GFRA3: variants seen among roughly 807,000 people sequenced by gnomAD.
GFRA3 encodes GDNF family receptor alpha-3.
A neutral mutation model predicts 40.0 loss-of-function variants in GFRA3; 24 were observed. The ratio of observed to expected loss-of-function variants is 0.60; its 90% CI spans 0.43 to 0.84. GFRA3 has a LOEUF of 0.84. Among genes scored for constraint, GFRA3 ranks in the 40% least tolerant of loss-of-function variants. The pLI, the probability that GFRA3 is intolerant of heterozygous loss-of-function variation, is 0.00. For synonymous variants in GFRA3, 203 were observed against 213.5 expected, an observed-to-expected ratio of 0.95 and a Z score of 0.43; for missense variants, 405 against 530.6, an observed-to-expected ratio of 0.76 and a Z score of 2.33.
At chr5:138,261,537 T>G (rs1481377814) in intron 2 of GFRA3, among the ~76,000 whole-genome samples, 1 of 151,052 alleles carries the variant, frequency 6.6e-6, no homozygotes, top group East Asian at 1.9e-4. Context: ...CTACTAAAAA[T>G]ACAAAAATTA....
chr5:138,270,422 G>A (rs943266414), intron 1 of GFRA3, among the ~76,000 whole-genome samples: 2 of 151,526 alleles, frequency 1.3e-5, no homozygotes, highest in Non-Finnish European at 2.9e-5. Flanking sequence ...CAACCTAGAT[G>A]AGATTGGAGA....
intron 2 of GFRA3, among the ~76,000 whole-genome samples, chr5:138,262,097 A>G (rs1755719425): frequency 1.3e-5 from 2 of 152,362 alleles, no homozygotes; most frequent in South Asian, 4.1e-4. Flanking sequence ...GAGTTGTACT[A>G]CAAAGAGCTA....
chr5:138,253,927 G>T (rs1339974406), intron 5 of GFRA3, 27 bp from the exon 6 acceptor site: 6 of 1,610,032 alleles, frequency 3.7e-6, no homozygotes, highest in Non-Finnish European at 5.1e-6. Flanking sequence ...GGTAGTCAAG[G>T]CCTAGGCTAA....
chr5:138,271,903 T>TGTG lies in GFRA3; in HGVS notation c.91+2430_91+2431insCAC, dbSNP rs1452490281. ...GTATTTTCTTTTCTGTTTTTTTTTT[T>TGTG]TTTTTTTTTTTGTGTGTGTGTGTGT... is the stretch of plus-strand genomic sequence containing the variant. On this transcript the variant is annotated intron_variant, in intron 1 of 7. Transcript: ENST00000274721. Among the ~76,000 whole-genome samples the TGTG allele has an allele frequency of 5.2e-3, 493 of 94,944 alleles. 3 individuals are homozygous for TGTG. The highest frequency in any genetic ancestry group is 0.013 in the African/African-American group (347 of 27,350). 62.3% of individuals were successfully genotyped at this position (94,944 alleles called of 152,430 possible).
At chr5:138,254,724 T>C (rs1755601540) in intron 4 of GFRA3, among the ~76,000 whole-genome samples, 1 of 152,170 alleles carries the variant, frequency 6.6e-6, no homozygotes, top group South Asian at 2.1e-4. Context: ...AGATAGCTTC[T>C]TTAACCTCAG....
At chr5:138,273,019 C>G (rs2126623109) in intron 1 of GFRA3, among the ~76,000 whole-genome samples, 1 of 152,262 alleles carries the variant, frequency 6.6e-6, no homozygotes, top group East Asian at 1.9e-4. Flanking sequence ...GTTGGATGAA[C>G]AAAGAAAAGT....
At chr5:138,266,442 T>G (rs1755783738) in intron 1 of GFRA3, among the ~76,000 whole-genome samples, 2 of 152,256 alleles carry the variant, frequency 1.3e-5, no homozygotes, top group Non-Finnish European at 2.9e-5. Flanking sequence ...GAGCATATTT[T>G]TATGTGCTTG....
intron 2 of GFRA3, among the ~76,000 whole-genome samples, chr5:138,261,886 TG>T (rs762357486): frequency 3.3e-5 from 5 of 152,058 alleles, no homozygotes; most frequent in Non-Finnish European, 7.4e-5. Flanking sequence ...TCGATTAAGA[TG>T]GTACCCAATA....
intron 4 of GFRA3, 26 bp from the exon 5 acceptor site, chr5:138,254,186 T>TA: frequency 5.6e-5 from 73 of 1,310,744 alleles, no homozygotes; most frequent in Non-Finnish European, 7.6e-5. Flanking sequence ...TTTCTGTCTT[T>TA]CTTTTTTTTT....
Position 138,268,005 on chromosome 5 carries a change from C to T in GFRA3, c.92-3457G>A, listed in dbSNP as rs117576343. 2.1e-3 allele frequency among the ~76,000 whole-genome samples: 313 copies of T among 152,214 alleles called. 6 individuals carry two copies. The East Asian group carries it at 0.048, about 23-fold the overall frequency. On this transcript the variant is annotated intron_variant, in intron 1 of 7. Transcript: ENST00000274721. Reference sequence around the variant, plus strand: ...AAATCAACTCAAGATGGATTAAGAACTTAAATCTGGCCACCACGCCTGTAA... The same window carrying T: ...AAATCAACTCAAGATGGATTAAGAATTTAAATCTGGCCACCACGCCTGTAA...
intron 1 of GFRA3, among the ~76,000 whole-genome samples, chr5:138,272,168 G>A (rs1340943564): frequency 1.3e-5 from 2 of 150,954 alleles, no homozygotes; most frequent in African/African-American, 4.9e-5. Flanking sequence ...AGCATGCCTG[G>A]CTAATTTTTT....
At chr5:138,255,899 C>CA (rs35650002) in intron 4 of GFRA3, among the ~76,000 whole-genome samples, 1,978 of 107,636 alleles carry the variant, frequency 0.018, 41 homozygotes, top group African/African-American at 0.057. Flanking sequence ...GACTCTGTCT[C>CA]AAAAAAAAAA....
At chr5:138,260,424 G>C (rs1010325518) in intron 2 of GFRA3, among the ~76,000 whole-genome samples, 7 of 152,206 alleles carry the variant, frequency 4.6e-5, no homozygotes, top group Admixed American at 2.6e-4. Context: ...GAAAGCCAGA[G>C]ATTTGGGAAT....
At chr5:138,274,230 C>G in intron 1 of GFRA3, 104 bp downstream of exon 1, 3 of 1,288,848 alleles carry the variant, frequency 2.3e-6, no homozygotes, top group Non-Finnish European at 2.0e-6. Context: ...CTCGGATGCA[C>G]CGGGAGGCTG....
chr5:138,271,647 T>C lies in GFRA3; in HGVS notation c.91+2687A>G, dbSNP rs182188561. Among the ~76,000 whole-genome samples, 694 of 150,520 alleles carry C rather than the reference T, an allele frequency of 4.6e-3. 28 individuals are homozygous for C. The South Asian group carries it at 0.047, about 10-fold the overall frequency. ...GTGCAGTGGTACAATCGCCACTCACTGCAGCCTACAGTCTCGACCTCCCAG... is the reference window on the plus strand; with the variant it reads ...GTGCAGTGGTACAATCGCCACTCACCGCAGCCTACAGTCTCGACCTCCCAG... On this transcript the variant is annotated intron_variant, in intron 1 of 7. Transcript: ENST00000274721.
Position 138,252,941 on chromosome 5 carries a change from G to C in GFRA3, c.*27C>G. ...TGCAAGTCCACCTGGGTGTGGTGGA[G>C]GGGAAGAGGGCCCTGGGGAAGTCCA... On this transcript the variant is annotated 3_prime_UTR_variant, in exon 8 of 8. Coordinates refer to ENST00000274721, the MANE Select transcript of GFRA3 (RefSeq NM_001496.4). 7.8e-7 allele frequency: 1 copy of C among 1,286,124 alleles called. No homozygotes were observed. The highest frequency in any genetic ancestry group is 1.1e-6 in the Non-Finnish European group (1 of 882,252). The allele number at this position is 1,286,124 out of a possible 1,614,324, so 79.7% of individuals were successfully genotyped here.
chr5:138,270,563 A>C, intron 1 of GFRA3, among the ~76,000 whole-genome samples: 1 of 148,100 alleles, frequency 6.8e-6, no homozygotes, highest in East Asian at 2.1e-4. Flanking sequence ...CTTGGGGGGA[A>C]GCGTGGGGGA....
chr5:138,256,170 G>T (rs1755625112), intron 4 of GFRA3, among the ~76,000 whole-genome samples: 1 of 149,782 alleles, frequency 6.7e-6, no homozygotes, highest in Non-Finnish European at 1.5e-5. Context: ...GGCGGAGGCT[G>T]CAGTGAGCCG....
intron 1 of GFRA3, among the ~76,000 whole-genome samples, 166 bp downstream of exon 1, chr5:138,274,168 C>G (rs1013320671): frequency 6.6e-6 from 1 of 152,148 alleles, no homozygotes; most frequent in African/African-American, 2.4e-5. Context: ...TAGGTGTGAC[C>G]CCAGCCCCTT....
Sources: gnomAD v4.1 joint callset for allele counts (sites outside exome capture counted in the v4.1 genomes callset) on GRCh38, gnomAD v4.1.1 for gene constraint, MANE v1.5 for transcripts, NCBI Gene and HGNC (gene_info 2026-07-23, HGNC 2026-07-21) for gene names.